FEZ1: variants seen among roughly 807,000 people sequenced by gnomAD.
FEZ1 encodes the protein fasciculation and elongation protein zeta 1.
Under a neutral mutation model 49.3 loss-of-function variants are expected in FEZ1, and 20 were observed. The observed-to-expected ratio is 0.41, with a 90% CI of 0.29 to 0.59. FEZ1 has a LOEUF of 0.59. FEZ1 is among the 20% of genes least tolerant of loss of function. The pLI is 0.36. For missense variants in FEZ1, 413 were observed against 476.0 expected (o/e 0.87, Z 1.23); for synonymous variants, 170 against 180.9 (o/e 0.94, Z 0.48).
intron 3 of FEZ1, among the ~76,000 whole-genome samples, chr11:125,467,038 T>G (rs1224029410): frequency 4.0e-5 from 1 of 25,182 alleles, no homozygotes; most frequent in African/African-American, 2.6e-4. Flanking sequence ...TGTGTCCCAT[T>G]TTTTTTTTTT....
In FEZ1 at chr11:125,495,175, C is replaced by T. The variant is rs1957445620; in HGVS notation, c.-46+946G>A. 1 of 354,152 alleles carries T rather than the reference C, an allele frequency of 2.8e-6. No homozygotes were observed. The highest frequency in any genetic ancestry group is 5.9e-6 in the Non-Finnish European group (1 of 170,124). The allele number at this position is 354,152 out of a possible 1,614,324, so 21.9% of individuals were successfully genotyped here. ...CACCTCCATCTCAGATCCCCCTCCTCCCCCCAGTCCGGTGGGGTAAAGAAA... is the reference window on the plus strand; with the variant it reads ...CACCTCCATCTCAGATCCCCCTCCTTCCCCCAGTCCGGTGGGGTAAAGAAA... On this transcript the variant is annotated intron_variant, in intron 1 of 9. Coordinates refer to ENST00000278919, the MANE Select transcript of FEZ1 (RefSeq NM_005103.5). This position sits in a 1 kb window ranked among gnomAD's most constrained non-coding sequence, Gnocchi z 4.2.
chr11:125,466,353 C>T (rs118125287), intron 3 of FEZ1, among the ~76,000 whole-genome samples: 3 of 152,186 alleles, frequency 2.0e-5, no homozygotes, highest in Non-Finnish European at 4.4e-5. Context: ...GATGGCACAC[C>T]TGTAGTCCCA....
At chr11:125,480,375 G>T (rs1455009748) in intron 3 of FEZ1, among the ~76,000 whole-genome samples, 1 of 152,150 alleles carries the variant, frequency 6.6e-6, no homozygotes, top group Non-Finnish European at 1.5e-5. Context: ...GACACAGTGA[G>T]ACCCTGTCTG....
chr11:125,477,106 A>G (rs1324031919), intron 3 of FEZ1, among the ~76,000 whole-genome samples: 2 of 152,168 alleles, frequency 1.3e-5, no homozygotes, highest in Non-Finnish European at 2.9e-5. Context: ...TGATTTATTT[A>G]AGCATTGTGT....
chr11:125,446,042 G>A lies in FEZ1; in HGVS notation c.*53C>T, dbSNP rs1428394484. 3 of 1,568,170 alleles carry A rather than the reference G, an allele frequency of 1.9e-6. No individual in the cohort carries two copies. In the East Asian group the frequency reaches 6.7e-5, roughly 35 times the overall value. On this transcript the variant is annotated 3_prime_UTR_variant, in exon 10 of 10. Transcript: ENST00000278919. Reference sequence around the variant, plus strand: ...ATGGTCTCATGCAGTCCCTGTGATGGAATGACTCTTGCTCAGTGACCTCCT... The same window carrying A: ...ATGGTCTCATGCAGTCCCTGTGATGAAATGACTCTTGCTCAGTGACCTCCT...
intron 8 of FEZ1, 121 bp downstream of exon 8, chr11:125,452,213 G>A: frequency 2.8e-6 from 2 of 710,912 alleles, no homozygotes; most frequent in Non-Finnish European, 5.2e-6. Context: ...AATTTGGAGG[G>A]TATTTTGGCC....
intron 3 of FEZ1, among the ~76,000 whole-genome samples, chr11:125,476,158 G>C (rs1158149785): frequency 1.3e-5 from 2 of 152,208 alleles, no homozygotes; most frequent in Non-Finnish European, 2.9e-5. Context: ...GTGAGAGAGA[G>C]GGATGAGGAA....
chr11:125,451,627 C>G (rs1307491220), intron 8 of FEZ1: 2 of 152,182 alleles, frequency 1.3e-5, no homozygotes, highest in African/African-American at 4.8e-5. Context: ...CACATCTCAG[C>G]CTAGGATTTT....
At chr11:125,459,531 G>A (rs1374571950) in intron 5 of FEZ1, among the ~76,000 whole-genome samples, 1 of 152,158 alleles carries the variant, frequency 6.6e-6, no homozygotes, top group Non-Finnish European at 1.5e-5. Context: ...GGCAGAGGCT[G>A]CAGTGAGCCA....
chr11:125,455,216 C>T (rs1204236949), intron 6 of FEZ1, among the ~76,000 whole-genome samples: 1 of 151,898 alleles, frequency 6.6e-6, no homozygotes, highest in Non-Finnish European at 1.5e-5. Flanking sequence ...CATGGTGAAA[C>T]CCCATCTCTA....
intron 3 of FEZ1, among the ~76,000 whole-genome samples, chr11:125,481,177 A>AT (rs150430622): frequency 8.8e-4 from 133 of 151,688 alleles, no homozygotes; most frequent in African/African-American, 3.2e-3. Flanking sequence ...TGTCTTCCTT[A>AT]TTTTTCACCC....
chr11:125,446,634 T>C (rs1337827824), intron 9 of FEZ1, among the ~76,000 whole-genome samples: 1 of 125,190 alleles, frequency 8.0e-6, no homozygotes, highest in East Asian at 2.7e-4. Context: ...TTCTGTGGTT[T>C]TTTGTGTTTT....
chr11:125,463,481 T>C lies in FEZ1; in HGVS notation c.498+3A>G. On this transcript the variant is annotated splice_donor_region_variant and intron_variant, in intron 4 of 9. Coordinates refer to ENST00000278919, the MANE Select transcript of FEZ1 (RefSeq NM_005103.5). ...TCCCGATAACCTGGAGAGATACTTA[T>C]ACCTGATCTGCTGTGAGCAGAGGCT... The C allele has an allele frequency of 6.4e-7, 1 of 1,567,896 alleles. No individual in the cohort carries two copies.
Position 125,458,017 on chromosome 11 carries a change from T to C in FEZ1, c.668-1911A>G, listed in dbSNP as rs372299074. Among the ~76,000 whole-genome samples the C allele has an allele frequency of 5.3e-5, 8 of 152,316 alleles. No homozygotes were observed. In the East Asian group the frequency reaches 1.2e-3, roughly 22 times the overall value. Reference sequence around the variant, plus strand: ...AGTCTTTTGCTGAACGCGTCTATCTTTGGGACCTTTGTGTGGCTGGGAAGG... The same window carrying C: ...AGTCTTTTGCTGAACGCGTCTATCTCTGGGACCTTTGTGTGGCTGGGAAGG... On this transcript the variant is annotated intron_variant, in intron 5 of 9. Transcript: ENST00000278919.
chr11:125,452,334 T>A lies in FEZ1; in HGVS notation c.1096A>T (p.Ile366Phe). Residue 366 changes from isoleucine (I) to phenylalanine (F), a missense_variant and splice_region_variant, in exon 8 of 10, where the codon ATT becomes TTT. Ile to Phe is a conservative substitution (Grantham distance 21). Transcript: ENST00000278919. ...CTGGCTGAGAACAAGAGGAACTCAC[T>A]GTTTGTCAGCATCTGCAGGTCTTCC... ...SVEDLQMLTN[I>F]LFAMKEDNEK... 1 of 1,602,246 alleles carries A rather than the reference T, an allele frequency of 6.2e-7. No individual in the cohort carries two copies. The highest frequency in any genetic ancestry group is 8.6e-7 in the Non-Finnish European group (1 of 1,169,024).
chr11:125,464,850 C>A (rs749489151), intron 3 of FEZ1, among the ~76,000 whole-genome samples: 1 of 152,156 alleles, frequency 6.6e-6, no homozygotes, highest in African/African-American at 2.4e-5. Flanking sequence ...CATCTATTTC[C>A]GCTGTCAAAC....
intron 2 of FEZ1, chr11:125,488,699 C>T: frequency 1.0e-6 from 1 of 982,646 alleles, no homozygotes; most frequent in African/African-American, 1.7e-5. Flanking sequence ...CAAAACAAAA[C>T]AAAACAAAAA....
chr11:125,479,253 T>G (rs1197222619), intron 3 of FEZ1, among the ~76,000 whole-genome samples: 2 of 152,226 alleles, frequency 1.3e-5, no homozygotes, highest in African/African-American at 2.4e-5. Flanking sequence ...ATCAGTCAAC[T>G]GCTGATCTCT....
chr11:125,489,948 C>T lies in FEZ1; in HGVS notation c.-45-126G>A. On this transcript the variant is annotated intron_variant, in intron 1 of 9. Transcript: ENST00000278919. This position sits in a 1 kb window ranked among gnomAD's most constrained non-coding sequence, Gnocchi z 4.2. ...AACAAGGCACTGGTTAAGTACGAAG[C>T]TCCTGGACAAGATCGTCTAGGTTTG... 1.2e-6 allele frequency: 1 copy of T among 809,882 alleles called. No individual in the cohort carries two copies. Among genetic ancestry groups the T allele is most frequent in the Non-Finnish European group, 1.8e-6 (1 of 562,504 alleles). 50.2% of individuals were successfully genotyped at this position (809,882 alleles called of 1,614,324 possible).
Sources: allele counts gnomAD v4.1 joint callset (sites outside exome capture counted in the v4.1 genomes callset), GRCh38; gene constraint gnomAD v4.1.1; non-coding constraint Gnocchi (gnomAD v3.1); transcripts MANE v1.5; gene names NCBI Gene and HGNC (gene_info 2026-07-23, HGNC 2026-07-21).